The following ATP9B variants were observed in gnomAD, a reference collection of about 807,000 sequenced individuals.
The protein encoded by ATP9B is probable phospholipid-transporting ATPase IIB.
In ATP9B, 110 loss-of-function variants were observed where a neutral mutation model predicts 146.1. The ratio of observed to expected loss-of-function variants is 0.75; its 90% CI spans 0.65 to 0.88. The LOEUF is 0.88. ATP9B is among the 40% of genes least tolerant of loss of function. The pLI is 0.00. For synonymous variants in ATP9B, 604 were observed against 569.7 expected, an observed-to-expected ratio of 1.06 and a Z score of -0.86; for missense variants, 1,499 against 1,496.4, an observed-to-expected ratio of 1.00 and a Z score of -0.03.
chr18:79,262,215 A>G (rs1290040859), intron 12 of ATP9B, among the ~76,000 whole-genome samples: 4 of 151,596 alleles, frequency 2.6e-5, no homozygotes, highest in Admixed American at 2.0e-4. Context: ...CTAGCCCTCA[A>G]CAAAAGCCAA....
intron 9 of ATP9B, among the ~76,000 whole-genome samples, chr18:79,196,435 T>C (rs1433867610): frequency 1.3e-5 from 2 of 152,162 alleles, no homozygotes; most frequent in African/African-American, 2.4e-5. Flanking sequence ...TTTTATACGC[T>C]TCCTCTAATA....
At chr18:79,192,546 T>G (rs1258769226) in intron 8 of ATP9B, among the ~76,000 whole-genome samples, 4 of 152,210 alleles carry the variant, frequency 2.6e-5, no homozygotes, top group African/African-American at 7.2e-5. Flanking sequence ...AACCTTTATG[T>G]GTAGCCAATG....
chr18:79,329,426 G>GT, intron 16 of ATP9B, 124 bp downstream of exon 16: 29 of 1,044,066 alleles, frequency 2.8e-5, no homozygotes, highest in South Asian at 1.1e-4. Flanking sequence ...TTACAGTTTT[G>GT]TTTGTTTTTT....
At chr18:79,231,296 GAAAAA>G (rs960898476) in intron 11 of ATP9B, among the ~76,000 whole-genome samples, 2 of 149,030 alleles carry the variant, frequency 1.3e-5, no homozygotes, top group African/African-American at 4.9e-5. Context: ...AAGTCATCAA[GAAAAA>G]AAAACAAACA....
chr18:79,112,553 C>T (rs1235447949), intron 3 of ATP9B, among the ~76,000 whole-genome samples: 1 of 151,906 alleles, frequency 6.6e-6, no homozygotes, highest in Non-Finnish European at 1.5e-5. Context: ...ACCCAAAGAC[C>T]ATAAGAGTAG....
At chr18:79,322,213 G>A (rs553532876) in intron 15 of ATP9B, among the ~76,000 whole-genome samples, 6 of 152,154 alleles carry the variant, frequency 3.9e-5, no homozygotes, top group Non-Finnish European at 1.5e-5. Context: ...CAGGAAAGTC[G>A]GAGAGGGAGA....
chr18:79,119,111 TTTTAAC>T (rs1347061971), intron 4 of ATP9B, among the ~76,000 whole-genome samples: 1 of 115,502 alleles, frequency 8.7e-6, no homozygotes, highest in African/African-American at 4.5e-5. Context: ...GTTAAAACTG[TTTTAAC>T]TTAAACAATG....
At chr18:79,118,384 GTTTTTGTTTTTT>G (rs1425155724) in intron 4 of ATP9B, among the ~76,000 whole-genome samples, 9 of 73,488 alleles carry the variant, frequency 1.2e-4, no homozygotes, top group African/African-American at 3.7e-4. Flanking sequence ...CATATTGAAC[GTTTTTGTTTTTT>G]TTTTTTTTTT....
At chr18:79,216,722 T>G (rs970535670) in intron 11 of ATP9B, among the ~76,000 whole-genome samples, 3 of 152,188 alleles carry the variant, frequency 2.0e-5, no homozygotes, top group African/African-American at 7.2e-5. Context: ...CCTCTCTTCC[T>G]CTTCTCCTTT....
Position 79,327,573 on chromosome 18 carries a change from G to GCGTGCTCTCCGTGGTTAA in ATP9B, c.1774-1562_1774-1545dup, listed in dbSNP as rs1555849717. On this transcript the variant is annotated intron_variant, in intron 15 of 29. Transcript: ENST00000426216. ...GTGGTTAGCGTGCTCTCCGTGGTTA[G>GCGTGCTCTCCGTGGTTAA]CGTGCTCTCCGTGGTTAACGTGCCC... 4.8e-3 allele frequency among the ~76,000 whole-genome samples: 290 copies of GCGTGCTCTCCGTGGTTAA among 60,722 alleles called. 36 individuals carry two copies. Among genetic ancestry groups the GCGTGCTCTCCGTGGTTAA allele is most frequent in the Non-Finnish European group, 5.6e-3 (169 of 30,354 alleles). 39.8% of individuals were successfully genotyped at this position (60,722 alleles called of 152,430 possible). A position where few individuals can be genotyped will look rare whatever the true frequency, so the allele number is the denominator to read the frequency against.
intron 9 of ATP9B, among the ~76,000 whole-genome samples, chr18:79,200,047 C>G (rs2095453441): frequency 6.6e-6 from 1 of 152,184 alleles, no homozygotes; most frequent in African/African-American, 2.4e-5. Flanking sequence ...AAACTAGTAA[C>G]ATAGTTGTTT....
intron 4 of ATP9B, among the ~76,000 whole-genome samples, chr18:79,120,760 T>C (rs868649571): frequency 6.6e-6 from 1 of 152,354 alleles, no homozygotes; most frequent in South Asian, 2.1e-4. Context: ...GTATCTTCTA[T>C]ATAAAATGTC....
intron 4 of ATP9B, among the ~76,000 whole-genome samples, chr18:79,120,521 TAATAG>T (rs1404562279): frequency 6.6e-6 from 1 of 152,352 alleles, no homozygotes; most frequent in East Asian, 1.9e-4. Flanking sequence ...ACTTCCCATA[TAATAG>T]AAGTGTAAAT....
At chr18:79,273,390 C>A (rs934681777) in intron 12 of ATP9B, among the ~76,000 whole-genome samples, 1 of 152,202 alleles carries the variant, frequency 6.6e-6, no homozygotes, top group Non-Finnish European at 1.5e-5. Flanking sequence ...GGAAAGATTT[C>A]ACAGAGTGAC....
chr18:79,271,236 T>TTTATTA (rs556752249), intron 12 of ATP9B, among the ~76,000 whole-genome samples: 1 of 151,604 alleles, frequency 6.6e-6, no homozygotes, highest in Non-Finnish European at 1.5e-5. Flanking sequence ...CTGTATTTTC[T>TTTATTA]TTATTATTAT....
At chr18:79,230,188 A>T (rs1555776814) in intron 11 of ATP9B, among the ~76,000 whole-genome samples, 1 of 152,186 alleles carries the variant, frequency 6.6e-6, no homozygotes, top group Non-Finnish European at 1.5e-5. Flanking sequence ...ATAAAATGGA[A>T]GTTTCCTTGG....
chr18:79,102,871 AC>A lies in ATP9B; in HGVS notation c.293+6223del, dbSNP rs2075382305. The stretch of plus-strand genomic sequence containing the variant: ...CATTAGATTTACTCCTAAGTGTTTA[AC>A]TTTTTGGAGTGATCGTAAATGGTTT... On this transcript the variant is annotated intron_variant, in intron 2 of 29. Transcript: ENST00000426216. Among the ~76,000 whole-genome samples, 4 of 152,340 alleles carry A rather than the reference AC, an allele frequency of 2.6e-5. No individual in the cohort carries two copies. In the South Asian group the frequency reaches 8.3e-4, roughly 32 times the overall value.
At chr18:79,371,417 G>A (rs191213963) in intron 26 of ATP9B, among the ~76,000 whole-genome samples, 6 of 144,392 alleles carry the variant, frequency 4.2e-5, no homozygotes, top group South Asian at 2.2e-4. Context: ...GTGCTTCTTC[G>A]TCACAGTGAA....
intron 25 of ATP9B, chr18:79,352,955 G>A (rs556625535): frequency 6.6e-6 from 1 of 152,372 alleles, no homozygotes; most frequent in South Asian, 2.1e-4. Context: ...AGACAACTCA[G>A]TTTTGTTTTT....
Sources: gnomAD v4.1 joint callset for allele counts (sites outside exome capture counted in the v4.1 genomes callset) on GRCh38, gnomAD v4.1.1 for gene constraint, MANE v1.5 for transcripts, NCBI Gene and HGNC (gene_info 2026-07-23, HGNC 2026-07-21) for gene names.